The following TPD52 variants were observed in gnomAD, a reference collection of about 807,000 sequenced individuals.
TPD52 encodes prostate and colon associated protein.
TPD52 carries 17 observed loss-of-function variants against 31.3 expected under a neutral mutation model. The ratio of observed to expected loss-of-function variants is 0.54; its 90% CI spans 0.37 to 0.82. TPD52 has a LOEUF of 0.82. Among genes scored for constraint, TPD52 ranks in the 40% least tolerant of loss-of-function variants. The pLI, the probability that TPD52 is intolerant of heterozygous loss-of-function variation, is 0.00. For synonymous variants in TPD52, 83 were observed against 89.6 expected (o/e 0.93, Z 0.42); for missense variants, 212 against 240.1 (o/e 0.88, Z 0.77).
chr8:80,159,930 C>T (rs1346522574), intron 1 of TPD52, among the ~76,000 whole-genome samples: 1 of 152,202 alleles, frequency 6.6e-6, no homozygotes, highest in Admixed American at 6.5e-5. Context: ...GTGGCTCATA[C>T]CTGTAATCCC....
chr8:80,158,996 C>T (rs575666020), intron 1 of TPD52: 1 of 149,132 alleles, frequency 6.7e-6, no homozygotes, highest in Admixed American at 6.7e-5. Context: ...TCAATAGAAC[C>T]GCATCGAAAA....
intron 1 of TPD52, among the ~76,000 whole-genome samples, chr8:80,151,758 A>G (rs2131200069): frequency 6.6e-6 from 1 of 152,288 alleles, no homozygotes; most frequent in Non-Finnish European, 1.5e-5. Flanking sequence ...GACATTGCCC[A>G]GTGGAAGCTC....
intron 1 of TPD52, among the ~76,000 whole-genome samples, chr8:80,145,589 G>A (rs1810137722): frequency 6.6e-6 from 1 of 152,196 alleles, no homozygotes; most frequent in African/African-American, 2.4e-5. Context: ...CAGGAGTACT[G>A]CACATTCCGG....
At chr8:80,076,999 C>T (rs1013705239) in intron 1 of TPD52, among the ~76,000 whole-genome samples, 8 of 151,716 alleles carry the variant, frequency 5.3e-5, no homozygotes, top group African/African-American at 7.3e-5. Flanking sequence ...AATTCTGGCC[C>T]GGCCCAGTGG....
chr8:80,073,647 G>A (rs1301539380), intron 1 of TPD52, among the ~76,000 whole-genome samples: 1 of 152,194 alleles, frequency 6.6e-6, no homozygotes, highest in Non-Finnish European at 1.5e-5. Context: ...ATGGATTATA[G>A]GAAGTTATAC....
intron 1 of TPD52, among the ~76,000 whole-genome samples, chr8:80,129,207 A>T (rs1808845898): frequency 1.3e-5 from 2 of 152,160 alleles, no homozygotes; most frequent in Admixed American, 1.3e-4. Context: ...TTGCCTCAGA[A>T]CATAAACTCT....
intron 1 of TPD52, among the ~76,000 whole-genome samples, chr8:80,140,996 C>A (rs964850589): frequency 8.3e-6 from 1 of 121,016 alleles, no homozygotes; most frequent in Non-Finnish European, 1.7e-5. Flanking sequence ...GAAAGAGTAT[C>A]AATCATGACA....
intron 1 of TPD52, among the ~76,000 whole-genome samples, chr8:80,156,159 T>C (rs967932053): frequency 6.6e-6 from 1 of 152,272 alleles, no homozygotes; most frequent in East Asian, 1.9e-4. Context: ...TAGGGGCATC[T>C]GAAGGTGCAC....
chr8:80,043,400 A>G lies in TPD52; in HGVS notation c.456-732T>C, dbSNP rs184566181. On this transcript the variant is annotated intron_variant, in intron 6 of 7. Coordinates refer to ENST00000518937, the MANE Select transcript of TPD52 (RefSeq NM_001025253.3). ...TTATCCTATCCAACTGACCTTGAAT[A>G]TCCTTCCTACTACCAAGATGAAAAA... Among the ~76,000 whole-genome samples the G allele has an allele frequency of 1.2e-4, 19 of 152,266 alleles. No homozygotes were observed. In the East Asian group the frequency reaches 3.1e-3, roughly 25 times the overall value.
intron 3 of TPD52, 83 bp downstream of exon 3, chr8:80,053,199 C>G (rs1026389314): frequency 3.4e-6 from 5 of 1,459,840 alleles, no homozygotes; most frequent in East Asian, 2.4e-5. Context: ...CATCCTTATC[C>G]TCTTTTTCTT....
Position 80,053,265 on chromosome 8 carries a change from T to C in TPD52, c.284+17A>G. 6.2e-7 allele frequency: 1 copy of C among 1,612,332 alleles called. No individual in the cohort carries two copies. The highest frequency in any genetic ancestry group is 1.7e-5 in the Admixed American group (1 of 59,954). On this transcript the variant is annotated intron_variant, in intron 3 of 7. Coordinates refer to ENST00000518937, the MANE Select transcript of TPD52 (RefSeq NM_001025253.3). ...CCTTTACACTCCCAAGGAAAGTGTA[T>C]GATCAAGGAAACATACGCAGATGTT... is the stretch of plus-strand genomic sequence containing the variant.
intron 1 of TPD52, among the ~76,000 whole-genome samples, chr8:80,152,003 T>C (rs1810601190): frequency 6.6e-6 from 1 of 152,206 alleles, no homozygotes; most frequent in African/African-American, 2.4e-5. Flanking sequence ...TACTTCCTGG[T>C]AAGCAGCTTT....
intron 1 of TPD52, among the ~76,000 whole-genome samples, chr8:80,073,871 G>T (rs1476684135): frequency 6.6e-6 from 1 of 152,082 alleles, no homozygotes; most frequent in African/African-American, 2.4e-5. Context: ...TTGGGGGCAG[G>T]TCACCTACCT....
chr8:80,087,631 A>G (rs1159731678), intron 1 of TPD52, among the ~76,000 whole-genome samples: 1 of 152,204 alleles, frequency 6.6e-6, no homozygotes, highest in Non-Finnish European at 1.5e-5. Flanking sequence ...CCACAGACAC[A>G]CAGGCACATA....
chr8:80,157,753 C>T (rs982506662), intron 1 of TPD52, among the ~76,000 whole-genome samples: 8 of 152,272 alleles, frequency 5.3e-5, no homozygotes, highest in Admixed American at 3.9e-4. Flanking sequence ...ATCATACCAC[C>T]CAGGGAAAGT....
downstream of TPD52, among the ~76,000 whole-genome samples, chr8:80,034,178 T>C (rs368481214): frequency 2.6e-5 from 4 of 151,882 alleles, no homozygotes; most frequent in East Asian, 1.9e-4. Flanking sequence ...CCTGGCCAGG[T>C]TGTGACAGCA....
At chr8:80,071,660 C>A (rs1215323257) in intron 1 of TPD52, among the ~76,000 whole-genome samples, 1 of 152,154 alleles carries the variant, frequency 6.6e-6, no homozygotes, top group Non-Finnish European at 1.5e-5. Flanking sequence ...CTCCATCTCA[C>A]TCTCTGGACA....
chr8:80,154,005 C>T (rs762372978), intron 1 of TPD52, among the ~76,000 whole-genome samples: 8 of 152,236 alleles, frequency 5.3e-5, no homozygotes, highest in Non-Finnish European at 1.0e-4. Context: ...TCCCTATGCG[C>T]CCTTTCACTC....
chr8:80,097,978 G>C (rs1806458339), intron 1 of TPD52, among the ~76,000 whole-genome samples: 1 of 152,158 alleles, frequency 6.6e-6, no homozygotes, highest in Non-Finnish European at 1.5e-5. Context: ...AAGCCCTTAA[G>C]AATGATGCTA....
Sources: gnomAD v4.1 joint callset for allele counts (sites outside exome capture counted in the v4.1 genomes callset) on GRCh38, gnomAD v4.1.1 for gene constraint, MANE v1.5 for transcripts, NCBI Gene and HGNC (gene_info 2026-07-23, HGNC 2026-07-21) for gene names.